PPEF2: variants seen among roughly 807,000 people sequenced by gnomAD.
PPEF2 encodes protein phosphatase with EF-hand domain 2, also known as serine/threonine-protein phosphatase with EF-hands 2.
In PPEF2, 84 loss-of-function variants were observed where a neutral mutation model predicts 84.7. The ratio of observed to expected loss-of-function variants is 0.99; its 90% CI spans 0.83 to 1.19. The LOEUF is 1.19. PPEF2 is among the 50% of genes most tolerant of loss of function. The pLI is 0.00. For missense variants in PPEF2, 924 were observed against 937.5 expected (o/e 0.99, Z 0.19); for synonymous variants, 346 against 345.2 (o/e 1.00, Z -0.03).
At chr4:75,869,970 A>G (rs998281365) in intron 13 of PPEF2, among the ~76,000 whole-genome samples, 2 of 152,204 alleles carry the variant, frequency 1.3e-5, no homozygotes, top group Non-Finnish European at 2.9e-5. Flanking sequence ...GTTCTCCATT[A>G]TGCTTCATAC....
At chr4:75,861,087 C>A (rs896951363) in intron 16 of PPEF2, among the ~76,000 whole-genome samples, 167 bp from the exon 17 acceptor site, 2 of 152,152 alleles carry the variant, frequency 1.3e-5, no homozygotes, top group Non-Finnish European at 2.9e-5. Flanking sequence ...CACTGGCTCA[C>A]CAATGATTTT....
At chr4:75,870,544 A>C (rs1229623604) in intron 13 of PPEF2, among the ~76,000 whole-genome samples, 1 of 152,204 alleles carries the variant, frequency 6.6e-6, no homozygotes, top group Non-Finnish European at 1.5e-5. Flanking sequence ...GAATACTTAA[A>C]GAAGCATGTT....
intron 8 of PPEF2, 43 bp downstream of exon 8, chr4:75,884,551 C>A: frequency 6.6e-7 from 1 of 1,509,564 alleles, no homozygotes; most frequent in Non-Finnish European, 8.9e-7. Flanking sequence ...TTTACAATTA[C>A]AACAAACAAA....
chr4:75,884,775 G>A lies in PPEF2; in HGVS notation c.580-15C>T, dbSNP rs781107519. The A allele has an allele frequency of 7.7e-6, 12 of 1,558,622 alleles. No homozygotes were observed. Among genetic ancestry groups the A allele is most frequent in the Non-Finnish European group, 8.7e-6 (10 of 1,153,526 alleles). ...GGGAGGCCATTCTTTTCAACAAGGA[G>A]ACCAGTGAAAGAATGAATGGGAGGA... On this transcript the variant is annotated splice_polypyrimidine_tract_variant and intron_variant, in intron 7 of 16. Coordinates refer to ENST00000286719, the MANE Select transcript of PPEF2 (RefSeq NM_006239.3).
intron 16 of PPEF2, among the ~76,000 whole-genome samples, chr4:75,862,122 G>A (rs1249089321): frequency 3.3e-5 from 5 of 150,780 alleles, no homozygotes; most frequent in Admixed American, 6.6e-5. Flanking sequence ...GTGAAACCCC[G>A]TCTCTACTAA....
At chr4:75,892,612 A>C (rs1724917244) in intron 2 of PPEF2, among the ~76,000 whole-genome samples, 1 of 152,218 alleles carries the variant, frequency 6.6e-6, no homozygotes, top group Non-Finnish European at 1.5e-5. Context: ...CCCCAGTTCC[A>C]TGATATCCCT....
chr4:75,893,598 A>C (rs766174092), intron 2 of PPEF2, among the ~76,000 whole-genome samples: 6 of 152,112 alleles, frequency 3.9e-5, no homozygotes, highest in Non-Finnish European at 1.5e-5. Context: ...AGGTTGCTAC[A>C]CCTCACCCTG....
At chr4:75,860,942 C>G in intron 16 of PPEF2, 22 bp from the exon 17 acceptor site, 1 of 1,607,916 alleles carries the variant, frequency 6.2e-7, no homozygotes. Flanking sequence ...GAGGAAATCA[C>G]TTCAGTGAGT....
chr4:75,872,077 T>A lies in PPEF2; in HGVS notation c.1597A>T (p.Ile533Phe). ...VKLGPALTPH[I>F]VQYQANKVTH... ...ACCTTGTTAGCTTGATACTGCACAA[T>A]ATGTGGGGTCAGGGCTGGCCCCAGT... Residue 533 changes from isoleucine to phenylalanine, a missense_variant, in exon 13 of 17, where the codon ATT (isoleucine) becomes TTT (phenylalanine). Physicochemically the swap from Ile to Phe is conservative, Grantham distance 21 (BLOSUM62 0). Coordinates refer to ENST00000286719, the MANE Select transcript of PPEF2 (RefSeq NM_006239.3). 1 of 1,613,616 alleles carries A rather than the reference T, an allele frequency of 6.2e-7. No individual in the cohort carries two copies.
chr4:75,886,030 A>T (rs112869231), intron 7 of PPEF2, among the ~76,000 whole-genome samples: 1 of 151,406 alleles, frequency 6.6e-6, no homozygotes, highest in Non-Finnish European at 1.5e-5. Flanking sequence ...AAATTAGGCC[A>T]TTATGAGACA....
Position 75,890,190 on chromosome 4 carries a change from G to T in PPEF2, c.242-58C>A, listed in dbSNP as rs1389395619. On this transcript the variant is annotated intron_variant, in intron 4 of 16. Coordinates refer to ENST00000286719, the MANE Select transcript of PPEF2 (RefSeq NM_006239.3). ...GATCATCTGATCATGCAGTCTGTGG[G>T]CACTATAGAATAGTCCTTGGCTGGG... 30 of 1,589,280 alleles carry T rather than the reference G, an allele frequency of 1.9e-5. No individual in the cohort carries two copies. The East Asian group carries it at 6.5e-4, about 34-fold the overall frequency.
intron 10 of PPEF2, among the ~76,000 whole-genome samples, chr4:75,881,090 G>A (rs1192179113): frequency 3.0e-5 from 4 of 134,710 alleles, no homozygotes; most frequent in African/African-American, 5.6e-5. Flanking sequence ...ATGAGCCACC[G>A]CATCCAGCAT....
At position 75,867,360 on chromosome 4, in the gene PPEF2, G is replaced by A; in HGVS notation, c.1709C>T (p.Ser570Phe). Residue 570 changes from serine (S) to phenylalanine (F), a missense_variant, in exon 14 of 17, where the codon TCT becomes TTT. By Grantham distance (155) the Ser-to-Phe change is radical. Transcript: ENST00000286719. ...RALREKLFAH[S>F]SDLLSEFKKH... The stretch of plus-strand genomic sequence containing the variant: ...CTTAAATTCACTGAGAAGATCTGAA[G>A]AATGAGCAAACAGCTTCTCCCTCAG... 6.2e-7 allele frequency: 1 copy of A among 1,613,958 alleles called. No individual in the cohort carries two copies. The highest frequency in any genetic ancestry group is 8.5e-7 in the Non-Finnish European group (1 of 1,179,948).
chr4:75,902,103 G>T (rs1725136187), intron 1 of PPEF2, 127 bp downstream of exon 1: 1 of 152,232 alleles, frequency 6.6e-6, no homozygotes, highest in Admixed American at 6.5e-5. Flanking sequence ...TGAGTTGATA[G>T]ATAACAGAGG....
intron 1 of PPEF2, 117 bp from the exon 2 acceptor site, chr4:75,896,500 C>T: frequency 4.5e-6 from 3 of 667,468 alleles, no homozygotes; most frequent in South Asian, 3.5e-5. Flanking sequence ...AGTCTAAGTG[C>T]ACAAGATGTT....
intron 11 of PPEF2, among the ~76,000 whole-genome samples, chr4:75,874,441 G>A (rs1051902971): frequency 5.3e-5 from 8 of 151,878 alleles, no homozygotes; most frequent in Admixed American, 2.6e-4. Context: ...GATTACAGGC[G>A]TGTGCCACCA....
At chr4:75,897,796 A>G (rs1370097271) in intron 1 of PPEF2, among the ~76,000 whole-genome samples, 2 of 152,046 alleles carry the variant, frequency 1.3e-5, no homozygotes, top group African/African-American at 4.8e-5. Flanking sequence ...CAACAACAAC[A>G]AATCTTCCCC....
chr4:75,899,943 T>C (rs1484143475), intron 1 of PPEF2, among the ~76,000 whole-genome samples: 2 of 152,188 alleles, frequency 1.3e-5, no homozygotes, highest in African/African-American at 4.8e-5. Context: ...GAATTTTTGT[T>C]CACCTTCTCA....
chr4:75,882,657 C>G (rs1724607316), intron 10 of PPEF2: 2 of 294,234 alleles, frequency 6.8e-6, no homozygotes, highest in Admixed American at 9.3e-5. Flanking sequence ...GCCACCACTC[C>G]CAGCTAAGTT....
Sources: gnomAD v4.1 joint callset for allele counts (sites outside exome capture counted in the v4.1 genomes callset) on GRCh38, gnomAD v4.1.1 for gene constraint, MANE v1.5 for transcripts, NCBI Gene and HGNC (gene_info 2026-07-23, HGNC 2026-07-21) for gene names.